The following AMOTL1 variants were observed in gnomAD, a reference collection of about 807,000 sequenced individuals.
AMOTL1 encodes the protein angiomotin-like protein 1.
In AMOTL1, 45 loss-of-function variants were observed where a neutral mutation model predicts 102.9. The observed-to-expected ratio is 0.44, with a 90% CI of 0.34 to 0.56. The LOEUF is 0.56. Ranked by LOEUF, AMOTL1 falls within the 20% of genes least tolerant of loss-of-function variation. The pLI is 0.01. For synonymous variants in AMOTL1, 481 were observed against 484.7 expected (o/e 0.99, Z 0.10); for missense variants, 1,114 against 1,225.6 (o/e 0.91, Z 1.36).
intron 8 of AMOTL1, among the ~76,000 whole-genome samples, chr11:94,854,599 A>G (rs1446507208): frequency 1.3e-5 from 2 of 152,242 alleles, no homozygotes; most frequent in East Asian, 3.9e-4. Flanking sequence ...AGTACCAACA[A>G]CTGGGAAGTT....
At chr11:94,824,829 A>C (rs1951934690) in intron 4 of AMOTL1, among the ~76,000 whole-genome samples, 1 of 152,250 alleles carries the variant, frequency 6.6e-6, no homozygotes, top group Admixed American at 6.5e-5. Flanking sequence ...AGCATTGGGA[A>C]TGTTTTGGCC....
chr11:94,855,537 T>TA (rs1156894954), intron 8 of AMOTL1, among the ~76,000 whole-genome samples: 1 of 152,130 alleles, frequency 6.6e-6, no homozygotes, highest in African/African-American at 2.4e-5. Context: ...TAGACACTGA[T>TA]TAGTCTTTCT....
chr11:94,810,893 A>G (rs1467218194), intron 3 of AMOTL1, among the ~76,000 whole-genome samples: 2 of 151,606 alleles, frequency 1.3e-5, no homozygotes, highest in Non-Finnish European at 2.9e-5. Flanking sequence ...TATCTTGGAT[A>G]TTAGCTTTTA....
chr11:94,766,607 A>G (rs1193303703), upstream of AMOTL1, among the ~76,000 whole-genome samples: 2 of 152,122 alleles, frequency 1.3e-5, no homozygotes, highest in East Asian at 3.8e-4. Flanking sequence ...ATTTGTATTA[A>G]ATTCGCGCAA....
At chr11:94,733,874 T>G (rs1950394475) in intron 2 of AMOTL1, among the ~76,000 whole-genome samples, 1 of 152,182 alleles carries the variant, frequency 6.6e-6, no homozygotes, top group African/African-American at 2.4e-5. Flanking sequence ...TTCTGACTCA[T>G]GTCCAAGTAC....
At chr11:94,845,264 G>C (rs956739582) in intron 6 of AMOTL1, among the ~76,000 whole-genome samples, 7 of 152,242 alleles carry the variant, frequency 4.6e-5, no homozygotes, top group Non-Finnish European at 1.0e-4. Context: ...GGGTAAGACA[G>C]AAAGGGGACA....
chr11:94,806,202 T>C (rs1260998454), intron 3 of AMOTL1, among the ~76,000 whole-genome samples: 1 of 152,232 alleles, frequency 6.6e-6, no homozygotes, highest in Non-Finnish European at 1.5e-5. Flanking sequence ...GGGAACCCTG[T>C]CAGCCCAGCA....
chr11:94,870,004 G>A (rs1346882640), intron 12 of AMOTL1, among the ~76,000 whole-genome samples: 3 of 152,208 alleles, frequency 2.0e-5, no homozygotes, highest in African/African-American at 4.8e-5. Context: ...CTTGGGAGAG[G>A]TGATCTTTGC....
At chr11:94,791,826 G>A (rs964071205) in intron 1 of AMOTL1, among the ~76,000 whole-genome samples, 2 of 152,182 alleles carry the variant, frequency 1.3e-5, no homozygotes, top group Admixed American at 6.5e-5. Context: ...TGACCTTGTC[G>A]CTTAGATCAT....
intron 3 of AMOTL1, among the ~76,000 whole-genome samples, chr11:94,813,888 CCACAGATTA>C (rs1951723846): frequency 6.6e-6 from 1 of 152,176 alleles, no homozygotes; most frequent in African/African-American, 2.4e-5. Context: ...AGCCAAAATG[CCACAGATTA>C]CACCACTGCT....
chr11:94,853,919 T>G lies in AMOTL1; in HGVS notation c.1795-14T>G, dbSNP rs202088513. On this transcript the variant is annotated splice_polypyrimidine_tract_variant and intron_variant, in intron 7 of 12. Transcript: ENST00000433060. ...GTCTAAATTCTGTGCTCTTTTTTAC[T>G]CTTCTCCACTCAGTTACGAGAGAAG... 2.8e-4 allele frequency: 452 copies of G among 1,604,622 alleles called. 4 individuals carry two copies. In the South Asian group the frequency reaches 4.8e-3, roughly 17 times the overall value.
chr11:94,706,546 T>G (rs1000000062), exon 1 of AMOTL1: 3 of 152,226 alleles, frequency 2.0e-5, no homozygotes, highest in Non-Finnish European at 2.9e-5. Context: ...CCCTGTCACT[T>G]CTGTTAGAAC....
At chr11:94,837,320 G>A (rs1952204993) in intron 6 of AMOTL1, among the ~76,000 whole-genome samples, 1 of 152,134 alleles carries the variant, frequency 6.6e-6, no homozygotes, top group African/African-American at 2.4e-5. Flanking sequence ...GAGCTCTGAG[G>A]GCTAACCAGT....
intron 10 of AMOTL1, 42 bp from the exon 11 acceptor site, chr11:94,865,900 C>T (rs1234973581): frequency 1.3e-6 from 2 of 1,555,100 alleles, no homozygotes; most frequent in East Asian, 2.3e-5. Context: ...GTTTTTCTAG[C>T]CAAGTGGCTT....
rs1371259159 is a variant in AMOTL1 at position 94,846,319 on chromosome 11, C to T, written c.1649-3795C>T. Among the ~76,000 whole-genome samples, 4 of 152,258 alleles carry T rather than the reference C, an allele frequency of 2.6e-5. No homozygotes were observed. The East Asian group carries it at 7.7e-4, about 29-fold the overall frequency. ...GCAGAATGCTACATCCTACTCACCT[C>T]ATAGCCCTAGAATTTATCATGCTTC... On this transcript the variant is annotated intron_variant, in intron 6 of 12. Coordinates refer to ENST00000433060, the MANE Select transcript of AMOTL1 (RefSeq NM_130847.3).
At chr11:94,774,630 A>G (rs1265168122) in intron 1 of AMOTL1, among the ~76,000 whole-genome samples, 2 of 152,222 alleles carry the variant, frequency 1.3e-5, no homozygotes, top group African/African-American at 4.8e-5. Flanking sequence ...TTATTGAAAC[A>G]TGGATTGCTG....
At chr11:94,764,537 C>T (rs141783757), upstream of AMOTL1, among the ~76,000 whole-genome samples, 41 of 152,334 alleles carry the variant, frequency 2.7e-4, no homozygotes, top group African/African-American at 9.9e-4. Flanking sequence ...TAATGGAGAA[C>T]TACCAGTTGT....
intron 4 of AMOTL1, among the ~76,000 whole-genome samples, chr11:94,823,427 C>T (rs1378035733): frequency 6.6e-6 from 1 of 152,140 alleles, no homozygotes; most frequent in Non-Finnish European, 1.5e-5. Flanking sequence ...TCACAGCCCT[C>T]AGCCTATAAG....
intron 3 of AMOTL1, among the ~76,000 whole-genome samples, chr11:94,820,118 G>A (rs942299289): frequency 6.6e-6 from 1 of 152,134 alleles, no homozygotes; most frequent in East Asian, 1.9e-4. Flanking sequence ...TTCATTAAAT[G>A]GTGCCCCTAT....
Sources: allele counts gnomAD v4.1 joint callset (sites outside exome capture counted in the v4.1 genomes callset), GRCh38; gene constraint gnomAD v4.1.1; transcripts MANE v1.5; gene names NCBI Gene and HGNC (gene_info 2026-07-23, HGNC 2026-07-21).